Variants in PAM observed in about 807,000 individuals in gnomAD.
The protein encoded by PAM is peptidylglycine alpha-amidating monooxygenase.
In PAM, 72 loss-of-function variants were observed where a neutral mutation model predicts 122.1. The observed-to-expected ratio is 0.59, with a 90% confidence interval of 0.49 to 0.72. The LOEUF (loss-of-function observed/expected upper bound fraction) is 0.72. Among genes scored for constraint, PAM ranks in the 30% least tolerant of loss-of-function variants. PAM has a pLI of 0.00. For synonymous variants in PAM, 389 were observed against 404.4 expected (o/e 0.96, Z 0.46); for missense variants, 1,106 against 1,183.7 (o/e 0.93, Z 0.96).
At chr5:102,772,124 G>T (rs1200237171) in intron 1 of PAM, among the ~76,000 whole-genome samples, 1 of 152,050 alleles carries the variant, frequency 6.6e-6, no homozygotes, top group Non-Finnish European at 1.5e-5. Flanking sequence ...GGGATGTATT[G>T]GTGTCACTTC....
chr5:102,953,536 G>A (rs1759684942), intron 12 of PAM, among the ~76,000 whole-genome samples: 1 of 152,074 alleles, frequency 6.6e-6, no homozygotes, highest in African/African-American at 2.4e-5. Context: ...ATAGAGAATA[G>A]AATGATGGTT....
At position 102,900,589 on chromosome 5, in the gene PAM, G is replaced by T. The variant is rs115710058; in HGVS notation, c.211-767G>T. 4.0e-3 allele frequency among the ~76,000 whole-genome samples: 612 copies of T among 151,648 alleles called. 2 individuals carry two copies. The highest frequency in any genetic ancestry group is 0.02 in the Middle Eastern group (6 of 294). ...AGTGGAATCTGATCATTCCAGCTCT[G>T]TGCAGTAATAATCCAGGAAGCATGA... On this transcript the variant is annotated intron_variant, in intron 3 of 25. Transcript: ENST00000438793.
chr5:102,931,449 C>T (rs1751479876), intron 7 of PAM, among the ~76,000 whole-genome samples: 1 of 152,120 alleles, frequency 6.6e-6, no homozygotes, highest in African/African-American at 2.4e-5. Flanking sequence ...CCAGTTTTTT[C>T]AGCGAAATCT....
chr5:102,794,367 A>G (rs182625079), intron 1 of PAM, among the ~76,000 whole-genome samples: 1 of 152,366 alleles, frequency 6.6e-6, no homozygotes, highest in Non-Finnish European at 1.5e-5. Flanking sequence ...CCACCAACTG[A>G]AGGAAGGAAT....
intron 1 of PAM, among the ~76,000 whole-genome samples, chr5:102,852,914 CT>C (rs1304596820): frequency 6.6e-6 from 1 of 152,144 alleles, no homozygotes; most frequent in Non-Finnish European, 1.5e-5. Flanking sequence ...AGGTACATTT[CT>C]TGTCCGTATT....
At chr5:102,820,563 G>GA (rs910114416) in intron 1 of PAM, among the ~76,000 whole-genome samples, 4 of 151,834 alleles carry the variant, frequency 2.6e-5, no homozygotes, top group African/African-American at 9.6e-5. Context: ...TTTTTAAGAA[G>GA]AAAAAAAGAT....
At chr5:102,844,955 T>C (rs1779605656) in intron 1 of PAM, among the ~76,000 whole-genome samples, 1 of 152,154 alleles carries the variant, frequency 6.6e-6, no homozygotes, top group African/African-American at 2.4e-5. Flanking sequence ...TGAGATCAGA[T>C]TGTAAGTTGT....
intron 1 of PAM, among the ~76,000 whole-genome samples, chr5:102,809,376 A>G (rs1220276766): frequency 2.0e-5 from 3 of 151,574 alleles, no homozygotes; most frequent in Non-Finnish European, 4.4e-5. Context: ...AAAAAAGAAA[A>G]CAAAAAACAA....
chr5:102,974,310 C>G lies in PAM; in HGVS notation c.1357C>G (p.Leu453Val). The G allele has an allele frequency of 1.2e-6, 2 of 1,613,962 alleles. No homozygotes were observed. The highest frequency in any genetic ancestry group is 1.7e-6 in the Non-Finnish European group (2 of 1,179,864). The change falls in exon 15 of 26, where the codon CTT becomes GTT. Residue 453 changes from leucine to valine, a missense_variant. Around this residue, in one of 3 missense-constraint regions of PAM, gnomAD observed 670 missense variants for 690.3 expected, o/e 0.97. Transcript: ENST00000438793. ...GAEHERGNAI[L>V]VRDRIHKFHR... is the part of the protein sequence containing the mutation. ...AGAACATGAGAGGGGTAATGCTATT[C>G]TTGTCAGAGACAGAATTCACAAATT... is the stretch of plus-strand genomic sequence containing the variant.
chr5:102,854,068 A>G (rs1782006105), intron 1 of PAM, among the ~76,000 whole-genome samples: 1 of 152,136 alleles, frequency 6.6e-6, no homozygotes, highest in Non-Finnish European at 1.5e-5. Flanking sequence ...CTGCCCCACT[A>G]CTGCTGGCAA....
intron 14 of PAM, among the ~76,000 whole-genome samples, chr5:102,968,036 T>A (rs1764657295): frequency 6.6e-6 from 1 of 152,114 alleles, no homozygotes; most frequent in South Asian, 2.1e-4. Flanking sequence ...AACTAGTCAT[T>A]TTTTAAGCTA....
chr5:102,987,441 A>C, intron 15 of PAM: 6 of 411,442 alleles, frequency 1.5e-5, no homozygotes, highest in South Asian at 1.1e-4. Flanking sequence ...ATGTAGAGAG[A>C]TGAAATAACT....
At chr5:102,953,350 C>T (rs112473697) in intron 12 of PAM, among the ~76,000 whole-genome samples, 3,149 of 152,148 alleles carry the variant, frequency 0.021, 68 homozygotes, top group African/African-American at 0.051. Context: ...GTTTTACATA[C>T]ACATGATGGA....
chr5:102,843,802 A>C (rs551970999), intron 1 of PAM, among the ~76,000 whole-genome samples: 3 of 152,310 alleles, frequency 2.0e-5, no homozygotes, highest in African/African-American at 7.2e-5. Context: ...TAAAAGCTCA[A>C]TGAGGTATCA....
intron 3 of PAM, among the ~76,000 whole-genome samples, chr5:102,878,872 A>T (rs1561732556): frequency 6.6e-6 from 1 of 152,196 alleles, no homozygotes; most frequent in Non-Finnish European, 1.5e-5. Context: ...TTTATAAAGT[A>T]AAAAGTTATA....
At chr5:102,784,801 G>C (rs184923769) in intron 1 of PAM, among the ~76,000 whole-genome samples, 64 of 152,228 alleles carry the variant, frequency 4.2e-4, no homozygotes, top group Non-Finnish European at 7.9e-4. Context: ...CTTTTAGATA[G>C]GCAAACTTTA....
In PAM at chr5:102,931,830, C is replaced by CTG. The variant is rs142876294; in HGVS notation, c.526+5163_526+5164insGT. 5.4e-3 allele frequency among the ~76,000 whole-genome samples: 827 copies of CTG among 152,018 alleles called. 10 individuals carry two copies. The highest frequency in any genetic ancestry group is 0.018 in the African/African-American group (753 of 41,424). ...ACACTCTCTCTCTCTCTCTCTCTCTCTCTGTCTCTCTCGGCTTGTTTCCAT... is the reference window on the plus strand; with the variant it reads ...ACACTCTCTCTCTCTCTCTCTCTCTCTGTCTGTCTCTCTCGGCTTGTTTCCAT... On this transcript the variant is annotated intron_variant, in intron 7 of 25. Coordinates refer to ENST00000438793, the MANE Select transcript of PAM (RefSeq NM_001177306.2).
At chr5:102,803,123 CAAA>C (rs1269635372) in intron 1 of PAM, among the ~76,000 whole-genome samples, 2 of 129,564 alleles carry the variant, frequency 1.5e-5, no homozygotes, top group African/African-American at 2.9e-5. Flanking sequence ...ATTCTGTGTC[CAAA>C]AAAAAAGAAA....
chr5:102,902,165 G>A (rs1227911216), intron 4 of PAM, among the ~76,000 whole-genome samples: 7 of 151,660 alleles, frequency 4.6e-5, no homozygotes, highest in Non-Finnish European at 1.0e-4. Context: ...TGGAGAGAAA[G>A]TGTTGGTAGT....
Sources: gnomAD v4.1 joint callset for allele counts (sites outside exome capture counted in the v4.1 genomes callset) on GRCh38, gnomAD v4.1.1 for gene constraint, gnomAD v4.1.1 regional missense constraint, MANE v1.5 for transcripts, NCBI Gene and HGNC (gene_info 2026-07-23, HGNC 2026-07-21) for gene names.